Variants in SEMA6D observed in about 807,000 individuals in gnomAD.
The protein encoded by SEMA6D is semaphorin 6D, also known as semaphorin-6D.
A neutral mutation model predicts 106.6 loss-of-function variants in SEMA6D; 35 were observed. The observed-to-expected ratio is 0.33, with a 90% CI of 0.25 to 0.44. The LOEUF is 0.44. Ranked by LOEUF, SEMA6D falls within the 20% of genes least tolerant of loss-of-function variation. The probability of loss-of-function intolerance (pLI) is 1.00; values close to 1 mark genes in which losing one functional copy is unlikely to be tolerated. For synonymous variants in SEMA6D, 499 were observed against 487.7 expected (o/e 1.02, Z -0.31); for missense variants, 1,185 against 1,345.9 (o/e 0.88, Z 1.87).
intron 3 of SEMA6D, among the ~76,000 whole-genome samples, chr15:47,523,861 G>A (rs1457519232): frequency 6.6e-6 from 1 of 152,020 alleles, no homozygotes; most frequent in East Asian, 1.9e-4. Context: ...TGTACTCCCG[G>A]GCCATTACAT....
At chr15:47,405,103 G>C (rs897793413) in intron 1 of SEMA6D, among the ~76,000 whole-genome samples, 1 of 152,124 alleles carries the variant, frequency 6.6e-6, no homozygotes, top group Non-Finnish European at 1.5e-5. Flanking sequence ...CATATTGGAA[G>C]TGTTTCAGGA....
At chr15:47,323,177 T>C (rs2143752541) in intron 1 of SEMA6D, among the ~76,000 whole-genome samples, 2 of 152,282 alleles carry the variant, frequency 1.3e-5, no homozygotes, top group East Asian at 3.9e-4. Flanking sequence ...GCCCAGCGGC[T>C]TCTTCTCTCC....
At chr15:47,456,244 G>C (rs2042342842) in intron 2 of SEMA6D, among the ~76,000 whole-genome samples, 1 of 151,860 alleles carries the variant, frequency 6.6e-6, no homozygotes, top group Non-Finnish European at 1.5e-5. Flanking sequence ...TCTTATCATG[G>C]AGTCCATACA....
At chr15:47,721,444 G>A (rs906302484) in intron 1 of SEMA6D, among the ~76,000 whole-genome samples, 4 of 152,272 alleles carry the variant, frequency 2.6e-5, no homozygotes, top group Admixed American at 6.5e-5. Context: ...TTGGGTTGCC[G>A]CTGATTTTGT....
intron 1 of SEMA6D, among the ~76,000 whole-genome samples, chr15:47,194,602 A>T (rs559916413): frequency 6.6e-6 from 1 of 152,348 alleles, no homozygotes; most frequent in South Asian, 2.1e-4. Flanking sequence ...GAGAATGTTC[A>T]GTAGGGCCTT....
chr15:47,699,355 A>G (rs2078763784), intron 4 of SEMA6D, among the ~76,000 whole-genome samples: 1 of 152,152 alleles, frequency 6.6e-6, no homozygotes, highest in Admixed American at 6.5e-5. Context: ...ATGAAGATTG[A>G]TATTATCCCT....
At position 47,760,311 on chromosome 15, in the gene SEMA6D, G is replaced by A. The variant is rs140647776; in HGVS notation, c.117G>A (p.Arg39=). Residue 39 remains arginine, a synonymous_variant, in exon 3 of 19, where the codon AGG becomes AGA. Transcript: ENST00000536845. ...PLNTVDYHYS[R]QYPVFRGRPS... is the part of the protein sequence containing the mutation. ...GCCCATTTTTACTTGCAGATTCAAG[G>A]CAATATCCGGTTTTTAGAGGACGCC... is the stretch of plus-strand genomic sequence containing the variant. 5.8e-5 allele frequency: 94 copies of A among 1,612,632 alleles called. 1 individual carries two copies. In the African/African-American group the frequency reaches 1.1e-3, roughly 19 times the overall value.
In SEMA6D at chr15:47,702,713, A is replaced by C. The variant is rs138127967; in HGVS notation, c.-54-57032A>C. ...TGAAATGAGCTATCAATCTATGAAA[A>C]GACATGTGAGGAAATTAAATATATA... On this transcript the variant is annotated intron_variant, in intron 4 of 19. Transcript: ENST00000558014. 2.6e-5 allele frequency among the ~76,000 whole-genome samples: 4 copies of C among 152,310 alleles called. No homozygotes were observed. In the East Asian group the frequency reaches 7.7e-4, roughly 29 times the overall value.
chr15:47,764,388 GC>G, intron 11 of SEMA6D, 83 bp downstream of exon 11: 1 of 1,503,508 alleles, frequency 6.7e-7, no homozygotes. Context: ...GAGCAGCTTG[GC>G]CAACCTCCCA....
chr15:47,407,710 G>T (rs1168934001), intron 1 of SEMA6D, among the ~76,000 whole-genome samples: 1 of 152,154 alleles, frequency 6.6e-6, no homozygotes, highest in Non-Finnish European at 1.5e-5. Context: ...TTTAAAAGTG[G>T]TATACACAAA....
At chr15:47,614,014 A>C (rs1282879624) in intron 4 of SEMA6D, among the ~76,000 whole-genome samples, 1 of 152,170 alleles carries the variant, frequency 6.6e-6, no homozygotes, top group East Asian at 1.9e-4. Flanking sequence ...GTACAACTTA[A>C]TGCCATTAAT....
intron 1 of SEMA6D, among the ~76,000 whole-genome samples, chr15:47,246,066 G>C (rs1319804110): frequency 6.6e-6 from 1 of 152,058 alleles, no homozygotes; most frequent in Non-Finnish European, 1.5e-5. Context: ...TGAACTTTTA[G>C]CAACCTTTCA....
chr15:47,304,433 TAAAAAAAAAAAAA>T lies in SEMA6D; in HGVS notation c.-238-107936_-238-107924del, dbSNP rs56185341. ...TGCACTCCAGCCTGAGCCTTCTAAC[TAAAAAAAAAAAAA>T]AAAAAAAAAAAAAAAAAAAAAAATT... On this transcript the variant is annotated intron_variant, in intron 1 of 19. Coordinates refer to the SEMA6D transcript ENST00000558014. 2.6e-3 allele frequency among the ~76,000 whole-genome samples: 240 copies of T among 93,836 alleles called. 3 individuals are homozygous for T. The highest frequency in any genetic ancestry group is 0.013 in the African/African-American group (210 of 16,336). 61.6% of individuals were successfully genotyped at this position (93,836 alleles called of 152,430 possible). A position where few individuals can be genotyped will look rare whatever the true frequency, so the allele number is the denominator to read the frequency against.
chr15:47,735,872 T>A (rs1162628310), intron 1 of SEMA6D, among the ~76,000 whole-genome samples: 1 of 152,200 alleles, frequency 6.6e-6, no homozygotes, highest in African/African-American at 2.4e-5. Flanking sequence ...TGTACACATT[T>A]CATCACTTAA....
At chr15:47,674,185 C>G (rs2078196314) in intron 4 of SEMA6D, among the ~76,000 whole-genome samples, 1 of 152,200 alleles carries the variant, frequency 6.6e-6, no homozygotes, top group South Asian at 2.1e-4. Context: ...GGAGAATATG[C>G]TGTTGGCAAC....
intron 1 of SEMA6D, among the ~76,000 whole-genome samples, chr15:47,343,678 C>T (rs1484284360): frequency 2.6e-5 from 4 of 152,036 alleles, no homozygotes; most frequent in Non-Finnish European, 5.9e-5. Flanking sequence ...TGGGTTGGTT[C>T]CAAGTCTTTG....
intron 1 of SEMA6D, among the ~76,000 whole-genome samples, chr15:47,409,782 A>G (rs568324793): frequency 5.3e-5 from 8 of 152,198 alleles, no homozygotes; most frequent in African/African-American, 1.9e-4. Flanking sequence ...CTGTTGAGTC[A>G]TAGTCCACCT....
At chr15:47,282,178 A>G (rs1169984108) in intron 1 of SEMA6D, among the ~76,000 whole-genome samples, 1 of 152,136 alleles carries the variant, frequency 6.6e-6, no homozygotes, top group Admixed American at 6.6e-5. Context: ...TTGACATAAA[A>G]ATTATTGTTA....
At chr15:47,736,817 T>C (rs16959999) in intron 1 of SEMA6D, among the ~76,000 whole-genome samples, 19,163 of 152,222 alleles carry the variant, frequency 0.13, 3,874 homozygotes, top group African/African-American at 0.42. Flanking sequence ...ATCAGTTTTT[T>C]GTTTGCTTTT....
Sources: gnomAD v4.1 joint callset for allele counts (sites outside exome capture counted in the v4.1 genomes callset) on GRCh38, gnomAD v4.1.1 for gene constraint, MANE v1.5 for transcripts, NCBI Gene and HGNC (gene_info 2026-07-23, HGNC 2026-07-21) for gene names.